Variants in SLC27A6 observed in about 807,000 individuals in gnomAD.
The protein encoded by SLC27A6 is long-chain fatty acid transport protein 6.
In SLC27A6, 74 loss-of-function variants were observed where a neutral mutation model predicts 63.9. The observed-to-expected ratio is 1.16, with a 90% confidence interval of 0.96 to 1.40. The LOEUF (loss-of-function observed/expected upper bound fraction) is 1.40. Ranked by LOEUF, SLC27A6 falls within the 40% of genes most tolerant of loss-of-function variation. SLC27A6 has a pLI of 0.00. For missense variants in SLC27A6, 794 were observed against 732.9 expected, an observed-to-expected ratio of 1.08 and a Z score of -0.96; for synonymous variants, 287 against 260.8, an observed-to-expected ratio of 1.10 and a Z score of -0.97.
chr5:129,013,912 G>A (rs865966878), intron 4 of SLC27A6, among the ~76,000 whole-genome samples: 21 of 152,088 alleles, frequency 1.4e-4, no homozygotes, highest in African/African-American at 4.6e-4. Flanking sequence ...GGCACTAAAT[G>A]CCTGATGGCA....
At chr5:128,969,151 G>A (rs1429569700) in intron 1 of SLC27A6, among the ~76,000 whole-genome samples, 1 of 152,174 alleles carries the variant, frequency 6.6e-6, no homozygotes, top group Non-Finnish European at 1.5e-5. Flanking sequence ...GTACCATGCT[G>A]TTTTGGTTGC....
At position 129,024,021 on chromosome 5, in the gene SLC27A6, A is replaced by C. The variant is rs550404622; in HGVS notation, c.1255+311A>C. Among the ~76,000 whole-genome samples, 18 of 152,110 alleles carry C rather than the reference A, an allele frequency of 1.2e-4. No individual in the cohort carries two copies. The South Asian group carries it at 3.7e-3, about 32-fold the overall frequency. On this transcript the variant is annotated intron_variant, in intron 6 of 9. Transcript: ENST00000262462. The stretch of plus-strand genomic sequence containing the variant: ...TTATCTTTTTTACCAAATATTTTCT[A>C]TCCAAGGTTGGTTGAATCCACAGAT...
rs779289426 is a variant in SLC27A6, at chr5:129,027,332, G to A, written c.1454+1G>A. The A allele has an allele frequency of 8.7e-6, 14 of 1,604,722 alleles. No individual in the cohort carries two copies. Among genetic ancestry groups the A allele is most frequent in the East Asian group, 6.7e-5 (3 of 44,824 alleles). ...GGGACCGTACTGGAGACACTTTCAG[G>A]TATGAAATGTTATGGGATCCATAGC... On this transcript the variant is annotated splice_donor_variant, in intron 7 of 9. Coordinates refer to ENST00000262462, the MANE Select transcript of SLC27A6 (RefSeq NM_001017372.3). LOFTEE classifies it high-confidence loss of function.
At chr5:129,029,004 G>T (rs1580751735) in intron 8 of SLC27A6, among the ~76,000 whole-genome samples, 1 of 151,896 alleles carries the variant, frequency 6.6e-6, no homozygotes, top group African/African-American at 2.4e-5. Flanking sequence ...GAGAGATCAG[G>T]GATGTGAGTG....
rs764953056 is a variant in SLC27A6 at position 129,029,676 on chromosome 5, C to T, written c.1652C>T (p.Ala551Val). ...GAACAAGTTGTAACATTTCTACCAG[C>T]TTATGCTTGTCCACGATTTTTAAGA... Reference protein sequence around the residue: ...VYEQVVTFLPAYACPRFLRIQ... With the variant: ...VYEQVVTFLPVYACPRFLRIQ... Residue 551 changes from alanine (A) to valine (V), a missense_variant, in exon 9 of 10, where the codon GCT becomes GTT. Ala to Val is a moderately conservative substitution (Grantham distance 64, BLOSUM62 0). Transcript: ENST00000262462. The T allele has an allele frequency of 1.9e-6, 3 of 1,600,760 alleles. No homozygotes were observed. Among genetic ancestry groups the T allele is most frequent in the Non-Finnish European group, 2.6e-6 (3 of 1,175,756 alleles).
chr5:129,018,367 CAT>C (rs1162618592), intron 5 of SLC27A6, among the ~76,000 whole-genome samples: 2 of 152,048 alleles, frequency 1.3e-5, no homozygotes, highest in Non-Finnish European at 2.9e-5. Context: ...AATCGGCAGA[CAT>C]GTGTTTTTCA....
chr5:128,970,137 T>G (rs528697107), intron 1 of SLC27A6, among the ~76,000 whole-genome samples: 1 of 148,588 alleles, frequency 6.7e-6, no homozygotes, highest in South Asian at 2.1e-4. Context: ...GTGGATAAGC[T>G]TTTTGATGTT....
chr5:128,972,986 C>A (rs777169851), intron 1 of SLC27A6, among the ~76,000 whole-genome samples: 1 of 152,180 alleles, frequency 6.6e-6, no homozygotes, highest in Non-Finnish European at 1.5e-5. Flanking sequence ...TGATGCTATT[C>A]CTTTCTGTTT....
chr5:129,011,371 G>T (rs550794211), intron 4 of SLC27A6, among the ~76,000 whole-genome samples: 4 of 152,078 alleles, frequency 2.6e-5, no homozygotes, highest in Admixed American at 6.6e-5. Context: ...GCTACTTCAT[G>T]GTGTTTTGAT....
chr5:129,030,281 A>G (rs12054790), intron 9 of SLC27A6, among the ~76,000 whole-genome samples: 34,066 of 151,952 alleles, frequency 0.22, 3,883 homozygotes, highest in Middle Eastern at 0.28. Flanking sequence ...ACTACTGGGT[A>G]ACTTTACTTA....
intron 1 of SLC27A6, among the ~76,000 whole-genome samples, chr5:128,968,211 G>A (rs115432751): frequency 0.24 from 36,733 of 152,052 alleles, 4,995 homozygotes; most frequent in Middle Eastern, 0.33. Flanking sequence ...GAAAAGTGCC[G>A]CAATAAACAT....
At chr5:129,004,770 G>A (rs1751462715) in intron 4 of SLC27A6, among the ~76,000 whole-genome samples, 1 of 152,198 alleles carries the variant, frequency 6.6e-6, no homozygotes, top group Non-Finnish European at 1.5e-5. Flanking sequence ...TAATTTCACA[G>A]TATCTCAAAA....
chr5:128,975,860 A>G (rs72797188), intron 1 of SLC27A6, among the ~76,000 whole-genome samples: 6,843 of 152,272 alleles, frequency 0.045, 242 homozygotes, highest in Non-Finnish European at 0.071. Context: ...GATATTATAA[A>G]TAAAAACCCC....
rs147888484 is a variant in SLC27A6, at chr5:129,022,819, T to C, written c.1165-801T>C. ...TAGCCTGGGTGACAGAGTGAGACAC[T>C]GTCTCAAAAACAAACAAAACAAAAT... On this transcript the variant is annotated intron_variant, in intron 5 of 9. Coordinates refer to ENST00000262462, the MANE Select transcript of SLC27A6 (RefSeq NM_001017372.3). Among the ~76,000 whole-genome samples the C allele has an allele frequency of 4.1e-3, 621 of 152,194 alleles. 2 individuals are homozygous for C. Among genetic ancestry groups the C allele is most frequent in the African/African-American group, 0.014 (568 of 41,534 alleles).
intron 5 of SLC27A6, among the ~76,000 whole-genome samples, chr5:129,022,846 G>A (rs1416022341): frequency 6.6e-6 from 1 of 151,988 alleles, no homozygotes; most frequent in Non-Finnish European, 1.5e-5. Context: ...AAACAAAATA[G>A]GAGGAGGTTG....
chr5:128,979,300 C>G (rs1362311357), intron 1 of SLC27A6, among the ~76,000 whole-genome samples: 1 of 151,838 alleles, frequency 6.6e-6, no homozygotes, highest in Non-Finnish European at 1.5e-5. Flanking sequence ...TCCATAACTA[C>G]TTCCCAACCC....
intron 9 of SLC27A6, among the ~76,000 whole-genome samples, chr5:129,031,508 G>A (rs1209064496): frequency 6.6e-6 from 1 of 151,816 alleles, no homozygotes; most frequent in Non-Finnish European, 1.5e-5. Context: ...AAACAATTTG[G>A]TAATATATGA....
intron 8 of SLC27A6, among the ~76,000 whole-genome samples, chr5:129,028,925 G>A (rs1752333333): frequency 6.6e-6 from 1 of 151,924 alleles, no homozygotes; most frequent in Non-Finnish European, 1.5e-5. Flanking sequence ...AAATGCCACA[G>A]AAAAGTGACC....
At chr5:128,966,835 C>G (rs1195415088) in intron 1 of SLC27A6, among the ~76,000 whole-genome samples, 1 of 152,144 alleles carries the variant, frequency 6.6e-6, no homozygotes, top group Non-Finnish European at 1.5e-5. Context: ...TCTCTGCTTC[C>G]TACCATTTTG....
Sources: allele counts gnomAD v4.1 joint callset (sites outside exome capture counted in the v4.1 genomes callset), GRCh38; gene constraint gnomAD v4.1.1; transcripts MANE v1.5; gene names NCBI Gene and HGNC (gene_info 2026-07-23, HGNC 2026-07-21).